The following EYA2 variants were observed in gnomAD, a reference collection of about 807,000 sequenced individuals.
The protein encoded by EYA2 is protein phosphatase EYA2.
Under a neutral mutation model 69.2 loss-of-function variants are expected in EYA2, and 31 were observed. That is an observed-to-expected ratio of 0.45 (90% CI 0.34 to 0.60). The LOEUF is 0.60. Ranked by LOEUF, EYA2 falls within the 20% of genes least tolerant of loss-of-function variation. The probability of loss-of-function intolerance (pLI) is 0.02; values close to 1 mark genes in which losing one functional copy is unlikely to be tolerated. For synonymous variants in EYA2, 257 were observed against 279.4 expected, an observed-to-expected ratio of 0.92 and a Z score of 0.80; for missense variants, 622 against 701.2, an observed-to-expected ratio of 0.89 and a Z score of 1.28.
chr20:47,066,121 C>T (rs955781000), intron 5 of EYA2, among the ~76,000 whole-genome samples: 1 of 152,130 alleles, frequency 6.6e-6, no homozygotes, highest in African/African-American at 2.4e-5. Context: ...GGGCAGATTG[C>T]TTGAGCCCAG....
At chr20:46,978,730 GGCT>G (rs1980620833) in intron 1 of EYA2, 1 of 532,380 alleles carries the variant, frequency 1.9e-6, no homozygotes, top group Admixed American at 1.9e-5. Flanking sequence ...TGGGCAGGGG[GGCT>G]GCCGTGGTCT....
At chr20:47,050,183 G>A (rs1288681161) in intron 5 of EYA2, among the ~76,000 whole-genome samples, 1 of 152,198 alleles carries the variant, frequency 6.6e-6, no homozygotes, top group Non-Finnish European at 1.5e-5. Context: ...AATCTGCATG[G>A]TTCTCAGGTA....
intron 9 of EYA2, among the ~76,000 whole-genome samples, chr20:47,101,449 T>C (rs2032420725): frequency 6.6e-6 from 1 of 152,284 alleles, no homozygotes; most frequent in South Asian, 2.1e-4. Context: ...CTTATCCTAT[T>C]GGGCAGAACT....
rs542709000 is a variant in EYA2 at position 46,925,864 on chromosome 20, T to C, written c.-11+30877T>C. Among the ~76,000 whole-genome samples the C allele has an allele frequency of 2.6e-5, 4 of 152,332 alleles. 1 individual carries two copies. The South Asian group carries it at 8.3e-4, about 32-fold the overall frequency. On this transcript the variant is annotated intron_variant, in intron 1 of 15. Coordinates refer to ENST00000327619, the MANE Select transcript of EYA2 (RefSeq NM_005244.5). ...AAAGTAGCACTTGTAACTCAGTGTT[T>C]ATTGCAGCCTTATTTGTAACAGCAG...
Position 47,135,842 on chromosome 20 carries a change from C to CAAAAAAAAA in EYA2, c.889-7214_889-7213insAAAAAAAAA, listed in dbSNP as rs1266669397. On this transcript the variant is annotated intron_variant, in intron 9 of 15. Transcript: ENST00000327619. ...ACAAAAAAAAAAAAAAAAAAAAAAA[C>CAAAAAAAAA]AAACAAACAAACAAAAAACTAATTA... is the stretch of plus-strand genomic sequence containing the variant. Among the ~76,000 whole-genome samples the CAAAAAAAAA allele has an allele frequency of 3.7e-4, 20 of 54,034 alleles. No homozygotes were observed. In the East Asian group the frequency reaches 4.0e-3, roughly 11 times the overall value. 35.4% of individuals were successfully genotyped at this position (54,034 alleles called of 152,430 possible).
intron 5 of EYA2, among the ~76,000 whole-genome samples, chr20:47,040,305 C>A (rs1206057321): frequency 6.6e-6 from 1 of 152,222 alleles, no homozygotes; most frequent in African/African-American, 2.4e-5. Flanking sequence ...TTTGCAAATA[C>A]TGTTCCATAA....
At chr20:47,176,112 C>CTCTGG (rs1201187976) in intron 12 of EYA2, among the ~76,000 whole-genome samples, 2 of 138,044 alleles carry the variant, frequency 1.4e-5, no homozygotes, top group Non-Finnish European at 3.0e-5. Flanking sequence ...TGGAGTCTTG[C>CTCTGG]TCTGTCACCC....
At chr20:46,967,074 C>T (rs879502348) in intron 1 of EYA2, among the ~76,000 whole-genome samples, 16 of 151,964 alleles carry the variant, frequency 1.1e-4, no homozygotes, top group Admixed American at 3.3e-4. Context: ...CTCACTGCAA[C>T]GTCCACCTCC....
intron 12 of EYA2, 127 bp from the exon 13 acceptor site, chr20:47,179,671 T>C (rs1055037200): frequency 1.6e-6 from 1 of 617,046 alleles, no homozygotes; most frequent in African/African-American, 1.8e-5. Flanking sequence ...GCCACTGGAT[T>C]GAAGTTTACT....
intron 1 of EYA2, among the ~76,000 whole-genome samples, chr20:46,940,651 G>A (rs539868337): frequency 6.6e-6 from 1 of 152,338 alleles, no homozygotes; most frequent in Admixed American, 6.5e-5. Flanking sequence ...TCCCTGAGGG[G>A]TTAAATGTTC....
At chr20:47,023,725 C>A (rs1248021491) in intron 5 of EYA2, among the ~76,000 whole-genome samples, 1 of 144,114 alleles carries the variant, frequency 6.9e-6, no homozygotes, top group Non-Finnish European at 1.5e-5. Context: ...GCAACCTCTG[C>A]CTCCAGGGTT....
intron 14 of EYA2, 110 bp downstream of exon 14, chr20:47,181,046 T>TC: frequency 6.9e-7 from 1 of 1,444,012 alleles, no homozygotes; most frequent in South Asian, 1.3e-5. Flanking sequence ...ATGGATGGAG[T>TC]GTGCCTATGG....
At chr20:47,016,914 G>A (rs142333619) in intron 5 of EYA2, among the ~76,000 whole-genome samples, 44 of 152,330 alleles carry the variant, frequency 2.9e-4, no homozygotes, top group African/African-American at 1.0e-3. Context: ...AGTGTGATGG[G>A]ACAGGCAAGT....
At chr20:46,996,327 G>C (rs1982019869) in intron 2 of EYA2, among the ~76,000 whole-genome samples, 1 of 152,174 alleles carries the variant, frequency 6.6e-6, no homozygotes, top group African/African-American at 2.4e-5. Context: ...TTCTGGAATG[G>C]AGATTTCTTT....
intron 9 of EYA2, among the ~76,000 whole-genome samples, chr20:47,108,449 C>A (rs144078807): frequency 1.8e-4 from 28 of 152,318 alleles, no homozygotes; most frequent in African/African-American, 6.5e-4. Flanking sequence ...TCTTGTACAG[C>A]CTGCCGAACT....
chr20:47,043,880 T>C (rs2146420743), intron 5 of EYA2, among the ~76,000 whole-genome samples: 1 of 152,278 alleles, frequency 6.6e-6, no homozygotes, highest in East Asian at 1.9e-4. Flanking sequence ...GTTCTTTCAC[T>C]TTTTTAGTGA....
chr20:46,920,307 T>C (rs935001726), intron 1 of EYA2, among the ~76,000 whole-genome samples: 7 of 152,132 alleles, frequency 4.6e-5, no homozygotes, highest in African/African-American at 1.7e-4. Flanking sequence ...ATTTGCTTTA[T>C]TGCGGTGATC....
chr20:47,186,502 G>A (rs951478674), intron 15 of EYA2, among the ~76,000 whole-genome samples: 24 of 151,832 alleles, frequency 1.6e-4, no homozygotes, highest in Non-Finnish European at 2.2e-4. Flanking sequence ...TGGGATTACA[G>A]GTGGCCACCA....
At chr20:47,088,404 CCTT>C (rs1239232581) in intron 7 of EYA2, among the ~76,000 whole-genome samples, 4 of 152,270 alleles carry the variant, frequency 2.6e-5, no homozygotes, top group African/African-American at 4.8e-5. Context: ...GTGTTGCCCT[CCTT>C]CTGTTCATCT....
Sources: gnomAD v4.1 joint callset for allele counts (sites outside exome capture counted in the v4.1 genomes callset) on GRCh38, gnomAD v4.1.1 for gene constraint, MANE v1.5 for transcripts, NCBI Gene and HGNC (gene_info 2026-07-23, HGNC 2026-07-21) for gene names.